Variants in GSE1 observed in about 807,000 individuals in gnomAD.
GSE1 encodes the protein Gse1 coiled-coil protein, also known as genetic suppressor element 1.
GSE1 carries 32 observed loss-of-function variants against 112.6 expected under a neutral mutation model. The observed-to-expected ratio is 0.28, with a 90% CI of 0.21 to 0.38. The LOEUF (loss-of-function observed/expected upper bound fraction) is 0.38, where lower values mean the gene tolerates loss of function less well. Ranked by LOEUF, GSE1 falls within the 10% of genes least tolerant of loss-of-function variation. GSE1 has a pLI of 1.00. For missense variants in GSE1, 2,348 were observed against 1,699.2 expected (o/e 1.38, Z -6.71); for synonymous variants, 1,115 against 735.6 (o/e 1.52, Z -8.35).
chr16:85,571,319 G>T (rs2045971264), intron 1 of GSE1, among the ~76,000 whole-genome samples: 1 of 152,236 alleles, frequency 6.6e-6, no homozygotes, highest in Non-Finnish European at 1.5e-5. Context: ...TAGATCCGTG[G>T]CTATCAGACC....
chr16:85,424,837 C>T (rs1002974698), intron 2 of GSE1, among the ~76,000 whole-genome samples: 8 of 152,268 alleles, frequency 5.3e-5, no homozygotes, highest in Non-Finnish European at 5.9e-5. Flanking sequence ...CAGCGCTGCC[C>T]GCGCAGCTGT....
At chr16:85,611,877 G>T (rs2048007722), upstream of GSE1, among the ~76,000 whole-genome samples, 1 of 151,776 alleles carries the variant, frequency 6.6e-6, no homozygotes, top group Non-Finnish European at 1.5e-5. Flanking sequence ...GAGGGAGGAA[G>T]GCGGGGGAGG....
At chr16:85,526,332 C>T (rs944228496) in intron 2 of GSE1, among the ~76,000 whole-genome samples, 84 of 152,246 alleles carry the variant, frequency 5.5e-4, no homozygotes, top group African/African-American at 2.0e-3. Flanking sequence ...ATGTTGGGGA[C>T]CCAGGCCGCT....
upstream of GSE1, among the ~76,000 whole-genome samples, chr16:85,553,344 C>T (rs1409288742): frequency 6.6e-6 from 1 of 151,068 alleles, no homozygotes; most frequent in African/African-American, 2.4e-5. Context: ...GCAGAGAGCG[C>T]GCCGCCACGC....
At chr16:85,385,393 C>A (rs183634164) in intron 2 of GSE1, among the ~76,000 whole-genome samples, 1 of 152,190 alleles carries the variant, frequency 6.6e-6, no homozygotes, top group Admixed American at 6.5e-5. Context: ...TTGGAGTCAC[C>A]ATGCAGAGGG....
At chr16:85,525,753 T>C (rs1427839148) in intron 2 of GSE1, among the ~76,000 whole-genome samples, 1 of 152,218 alleles carries the variant, frequency 6.6e-6, no homozygotes, top group Admixed American at 6.5e-5. Flanking sequence ...TTGCTAGCTG[T>C]GTGACCCCAG....
At chr16:85,358,882 G>A (rs1158834529) in intron 2 of GSE1, among the ~76,000 whole-genome samples, 1 of 152,244 alleles carries the variant, frequency 6.6e-6, no homozygotes, top group African/African-American at 2.4e-5. Context: ...CAAAAGCCAG[G>A]CCATTGTCGG....
chr16:85,301,855 C>T (rs1301275906), intron 1 of GSE1, among the ~76,000 whole-genome samples: 1 of 152,234 alleles, frequency 6.6e-6, no homozygotes, highest in African/African-American at 2.4e-5. Context: ...GCCAGGAACC[C>T]GTGACCTTGT....
intron 1 of GSE1, among the ~76,000 whole-genome samples, chr16:85,297,790 C>T (rs996619419): frequency 2.0e-5 from 3 of 152,320 alleles, no homozygotes; most frequent in South Asian, 4.1e-4. Context: ...GGACTACAGA[C>T]GTGAGCCACT....
chr16:85,666,153 C>A lies in GSE1; in HGVS notation c.2936C>A (p.Ala979Asp), dbSNP rs1172260861. 5.6e-6 allele frequency: 9 copies of A among 1,613,218 alleles called. No individual in the cohort carries two copies. The highest frequency in any genetic ancestry group is 3.3e-5 in the Admixed American group (2 of 60,008). The change falls in exon 13 of 16, where the codon GCC (alanine) becomes GAC (aspartate). Residue 979 changes from alanine (A) to aspartate (D), a missense_variant. Transcript: ENST00000253458. ...GGGGAGAAGGCCAGGCTGAGCGAGG[C>A]CCCTGGAGGCAAAAAGAGTCTGAGC... The part of the protein sequence containing the change: ...ASGEKARLSE[A>D]PGGKKSLSML...
intron 2 of GSE1, among the ~76,000 whole-genome samples, chr16:85,439,751 GCA>G (rs142126117): frequency 0.19 from 29,260 of 151,864 alleles, 3,016 homozygotes; most frequent in South Asian, 0.28. Flanking sequence ...CCACATGCAT[GCA>G]CACACACAGA....
chr16:85,179,098 C>T (rs1346321587), intron 1 of GSE1, among the ~76,000 whole-genome samples: 1 of 152,130 alleles, frequency 6.6e-6, no homozygotes, highest in African/African-American at 2.4e-5. Context: ...CATGACTGTC[C>T]AGTTCCAGAA....
At chr16:85,381,097 C>A (rs1486166398) in intron 2 of GSE1, among the ~76,000 whole-genome samples, 1 of 152,192 alleles carries the variant, frequency 6.6e-6, no homozygotes, top group Admixed American at 6.5e-5. Context: ...TTAGCTCTGC[C>A]GTTCCTCACT....
At chr16:85,392,418 G>A (rs2047861454) in intron 2 of GSE1, among the ~76,000 whole-genome samples, 1 of 152,190 alleles carries the variant, frequency 6.6e-6, no homozygotes, top group South Asian at 2.1e-4. Flanking sequence ...TTCGGGCTGG[G>A]GAGGGGATGG....
chr16:85,184,158 A>G (rs1270468839), intron 1 of GSE1, among the ~76,000 whole-genome samples: 1 of 152,098 alleles, frequency 6.6e-6, no homozygotes, highest in Non-Finnish European at 1.5e-5. Flanking sequence ...CTGCCTGGGG[A>G]GTTCTGGGGA....
intron 1 of GSE1, among the ~76,000 whole-genome samples, chr16:85,201,220 G>T (rs2075022390): frequency 6.6e-6 from 1 of 152,072 alleles, no homozygotes; most frequent in African/African-American, 2.4e-5. Context: ...CCACAGGCAG[G>T]TGCCACCACA....
At chr16:85,438,417 C>T (rs531313608) in intron 2 of GSE1, among the ~76,000 whole-genome samples, 1 of 152,328 alleles carries the variant, frequency 6.6e-6, no homozygotes, top group South Asian at 2.1e-4. Flanking sequence ...CGCGCCTGCC[C>T]AGAGGTCCTT....
At chr16:85,647,315 T>C (rs1157442210) in intron 2 of GSE1, among the ~76,000 whole-genome samples, 2 of 152,138 alleles carry the variant, frequency 1.3e-5, no homozygotes, top group South Asian at 2.1e-4. Context: ...CTGCTGCGTT[T>C]TGGGGGCTGA....
At chr16:85,606,678 G>T (rs923153566), upstream of GSE1, among the ~76,000 whole-genome samples, 5 of 152,226 alleles carry the variant, frequency 3.3e-5, no homozygotes, top group Non-Finnish European at 7.3e-5. Context: ...GGATCCCTGT[G>T]GCTTGCCTGT....
Sources: allele counts gnomAD v4.1 joint callset (sites outside exome capture counted in the v4.1 genomes callset), GRCh38; gene constraint gnomAD v4.1.1; transcripts MANE v1.5; gene names NCBI Gene and HGNC (gene_info 2026-07-23, HGNC 2026-07-21).